HAT1: variants seen among roughly 807,000 people sequenced by gnomAD.
The protein encoded by HAT1 is histone acetyltransferase 1.
Under a neutral mutation model 56.6 loss-of-function variants are expected in HAT1, and 20 were observed. That is an observed-to-expected ratio of 0.35 (90% CI 0.25 to 0.51). HAT1 has a LOEUF of 0.51. Ranked by LOEUF, HAT1 falls within the 20% of genes least tolerant of loss-of-function variation. The pLI, the probability that HAT1 is intolerant of heterozygous loss-of-function variation, is 0.95. For missense variants in HAT1, 408 were observed against 504.3 expected (o/e 0.81, Z 1.83); for synonymous variants, 146 against 165.5 (o/e 0.88, Z 0.91).
chr2:171,933,044 T>TA (rs1159416358), intron 2 of HAT1, among the ~76,000 whole-genome samples: 5 of 152,152 alleles, frequency 3.3e-5, no homozygotes, highest in Non-Finnish European at 7.4e-5. Flanking sequence ...TCTTTCATCT[T>TA]ACTTTGGGTT....
chr2:171,978,922 C>CA (rs3838506), intron 9 of HAT1, among the ~76,000 whole-genome samples: 13,202 of 69,098 alleles, frequency 0.19, 833 homozygotes, highest in South Asian at 0.27. Context: ...CCCATTTCTA[C>CA]AAAAAAAAAA....
intron 3 of HAT1, among the ~76,000 whole-genome samples, chr2:171,949,999 G>T (rs928871238): frequency 2.6e-5 from 4 of 151,928 alleles, no homozygotes; most frequent in Non-Finnish European, 4.4e-5. Context: ...TACTTTCCCT[G>T]TTAGTTCTGG....
intron 3 of HAT1, among the ~76,000 whole-genome samples, chr2:171,949,471 G>A (rs938414260): frequency 6.6e-6 from 1 of 152,098 alleles, no homozygotes; most frequent in Non-Finnish European, 1.5e-5. Context: ...TGAGCCAGGA[G>A]TTTGCGACCA....
At chr2:171,929,568 A>G (rs561911226) in intron 2 of HAT1, among the ~76,000 whole-genome samples, 1 of 152,234 alleles carries the variant, frequency 6.6e-6, no homozygotes, top group African/African-American at 2.4e-5. Flanking sequence ...AAGCTCTCCT[A>G]ATGTTTTCTT....
intron 4 of HAT1, 57 bp from the exon 5 acceptor site, chr2:171,965,281 C>A (rs1048526764): frequency 1.2e-5 from 12 of 1,020,056 alleles, no homozygotes; most frequent in Non-Finnish European, 1.7e-5. Flanking sequence ...AAGAAATAAA[C>A]CATATTCAAC....
At chr2:171,969,188 A>G (rs1687754068) in intron 8 of HAT1, among the ~76,000 whole-genome samples, 2 of 152,230 alleles carry the variant, frequency 1.3e-5, no homozygotes, top group African/African-American at 4.8e-5. Context: ...GGACTTCTGA[A>G]AGGAGTTGCA....
At chr2:171,943,200 G>A (rs1687067507) in intron 2 of HAT1, among the ~76,000 whole-genome samples, 1 of 151,188 alleles carries the variant, frequency 6.6e-6, no homozygotes, top group African/African-American at 2.4e-5. Flanking sequence ...TCAGGAGTTT[G>A]AAACCAGCCT....
At chr2:171,937,881 A>C (rs1039370419) in intron 2 of HAT1, among the ~76,000 whole-genome samples, 1 of 152,120 alleles carries the variant, frequency 6.6e-6, no homozygotes, top group Non-Finnish European at 1.5e-5. Context: ...CAATTAGCCA[A>C]GTGTGTGGTA....
intron 3 of HAT1, 142 bp from the exon 4 acceptor site, chr2:171,952,739 C>T: frequency 2.0e-6 from 1 of 506,270 alleles, no homozygotes. Context: ...AAAACTGAAG[C>T]ACATTTTATT....
intron 1 of HAT1, chr2:171,924,210 AT>A (rs1227238079): frequency 2.2e-3 from 303 of 135,628 alleles, no homozygotes; most frequent in Admixed American, 4.7e-3. Flanking sequence ...ATTTTTACTG[AT>A]TTTTTTTTTT....
intron 2 of HAT1, 49 bp from the exon 3 acceptor site, chr2:171,946,659 A>G (rs1485714691): frequency 7.6e-6 from 8 of 1,051,650 alleles, no homozygotes; most frequent in South Asian, 4.0e-5. Context: ...GTCACCTTCA[A>G]TATCTTTAGT....
At chr2:171,968,792 T>C (rs1490839694) in intron 8 of HAT1, among the ~76,000 whole-genome samples, 1 of 152,192 alleles carries the variant, frequency 6.6e-6, no homozygotes, top group Non-Finnish European at 1.5e-5. Context: ...TCTACTCTTC[T>C]GTCATTTAGT....
intron 4 of HAT1, among the ~76,000 whole-genome samples, chr2:171,956,919 T>C (rs1380807903): frequency 6.6e-6 from 1 of 152,142 alleles, no homozygotes; most frequent in Non-Finnish European, 1.5e-5. Context: ...GAGAAAGCCG[T>C]GAGTGTGACA....
At chr2:171,944,115 C>T (rs1326796132) in intron 2 of HAT1, among the ~76,000 whole-genome samples, 1 of 150,564 alleles carries the variant, frequency 6.6e-6, no homozygotes, top group Non-Finnish European at 1.5e-5. Flanking sequence ...CACTGTATTC[C>T]AGCCTGGGTG....
chr2:171,978,936 A>AT (rs1688058420), intron 9 of HAT1, among the ~76,000 whole-genome samples: 1 of 151,846 alleles, frequency 6.6e-6, no homozygotes, highest in Non-Finnish European at 1.5e-5. Context: ...AAAAAAAAAA[A>AT]AAAAAAATAG....
chr2:171,952,346 CA>C (rs1687329873), intron 3 of HAT1, among the ~76,000 whole-genome samples: 1 of 152,158 alleles, frequency 6.6e-6, no homozygotes, highest in Non-Finnish European at 1.5e-5. Flanking sequence ...TAGCAGGGAG[CA>C]GGGGTGGAAG....
intron 4 of HAT1, among the ~76,000 whole-genome samples, chr2:171,958,488 A>G (rs1027534556): frequency 6.6e-6 from 1 of 151,936 alleles, no homozygotes; most frequent in African/African-American, 2.4e-5. Context: ...GGGTCTTGCT[A>G]TAGTGCCCAG....
chr2:171,966,074 G>A, intron 6 of HAT1, 166 bp downstream of exon 6: 1 of 637,568 alleles, frequency 1.6e-6, no homozygotes, highest in South Asian at 2.0e-5. Flanking sequence ...GGGAGACCTT[G>A]AGAATAGAGC....
rs1309269116 is a variant in HAT1 at position 171,979,373 on chromosome 2, T to C, written c.1092+10T>C. On this transcript the variant is annotated intron_variant, in intron 10 of 10. Transcript: ENST00000264108. Reference sequence around the variant, plus strand: ...AATTAGCCCATATAAGGTAGGACTTTCAAGAATCTTAAACACTGTATTCTT... The same window carrying C: ...AATTAGCCCATATAAGGTAGGACTTCCAAGAATCTTAAACACTGTATTCTT... The C allele has an allele frequency of 8.0e-7, 1 of 1,251,762 alleles. No individual in the cohort carries two copies. The highest frequency in any genetic ancestry group is 1.2e-6 in the Non-Finnish European group (1 of 848,934). The allele number at this position is 1,251,762 out of a possible 1,614,324, so 77.5% of individuals were successfully genotyped here. A position where few individuals can be genotyped will look rare whatever the true frequency, so the allele number is the denominator to read the frequency against.
Sources: allele counts gnomAD v4.1 joint callset (sites outside exome capture counted in the v4.1 genomes callset), GRCh38; gene constraint gnomAD v4.1.1; transcripts MANE v1.5; gene names NCBI Gene and HGNC (gene_info 2026-07-23, HGNC 2026-07-21).